TSHZ2: variants seen among roughly 807,000 people sequenced by gnomAD.
TSHZ2 encodes the protein teashirt homolog 2.
A neutral mutation model predicts 74.4 loss-of-function variants in TSHZ2; 21 were observed. That is an observed-to-expected ratio of 0.28 (90% CI 0.20 to 0.41). TSHZ2 has a LOEUF of 0.41. TSHZ2 is among the 10% of genes least tolerant of loss of function. The pLI is 1.00. For missense variants in TSHZ2, 1,244 were observed against 1,293.5 expected (o/e 0.96, Z 0.59); for synonymous variants, 540 against 515.3 (o/e 1.05, Z -0.65).
chr20:53,220,834 A>G (rs1989537663), intron 1 of TSHZ2, among the ~76,000 whole-genome samples: 2 of 152,258 alleles, frequency 1.3e-5, no homozygotes, highest in East Asian at 1.9e-4. Context: ...ACAGCAGGCC[A>G]TGAGAAAACT....
chr20:53,478,147 C>T (rs922207118), intron 2 of TSHZ2, among the ~76,000 whole-genome samples: 3 of 149,820 alleles, frequency 2.0e-5, no homozygotes, highest in Non-Finnish European at 4.4e-5. Context: ...TTTGACCCAG[C>T]CATCCCATTA....
chr20:53,323,301 T>C lies in TSHZ2; in HGVS notation c.*8+66730T>C, dbSNP rs79237786. On this transcript the variant is annotated intron_variant, in intron 2 of 2. Transcript: ENST00000371497. ...CAGACAGTACTCCGGGTGACTCTTA[T>C]AAAATGACCTTCCTTGGTTCACAAG... Among the ~76,000 whole-genome samples, 1,468 of 152,266 alleles carry C rather than the reference T, an allele frequency of 9.6e-3. 20 individuals are homozygous for C. Among genetic ancestry groups the C allele is most frequent in the African/African-American group, 0.034 (1,402 of 41,552 alleles).
chr20:53,320,087 C>G (rs944105452), intron 2 of TSHZ2, among the ~76,000 whole-genome samples: 2 of 152,190 alleles, frequency 1.3e-5, no homozygotes, highest in African/African-American at 4.8e-5. Flanking sequence ...ATCATCACTG[C>G]CAACACTGCC....
Position 53,256,396 on chromosome 20 carries a change from T to G in TSHZ2, c.2938T>G (p.Ser980Ala), listed in dbSNP as rs1469595001. 5.0e-6 allele frequency: 8 copies of G among 1,613,370 alleles called. No homozygotes were observed. The highest frequency in any genetic ancestry group is 1.3e-5 in the African/African-American group (1 of 74,800). Residue 980 changes from serine (S) to alanine (A), a missense_variant, in exon 2 of 3, where the codon TCT becomes GCT. Ser to Ala is a moderately conservative substitution (Grantham distance 99). Around this residue, in one of 6 missense-constraint regions of TSHZ2, gnomAD observed 185 missense variants for 213.3 expected, o/e 0.87. Coordinates refer to ENST00000371497, the MANE Select transcript of TSHZ2 (RefSeq NM_173485.6). The surrounding 1 kb of genome is among the most constrained non-coding windows in gnomAD (Gnocchi z 4.3). ...EISRVSSAQR[S>A]PETIAAEEDT... Reference sequence around the variant, plus strand: ...CTCCCGGGTATCGTCGGCTCAGAGGTCTCCAGAAACAATAGCTGCCGAAGA... The same window carrying G: ...CTCCCGGGTATCGTCGGCTCAGAGGGCTCCAGAAACAATAGCTGCCGAAGA...
chr20:53,279,743 A>G (rs1991017380), intron 2 of TSHZ2, among the ~76,000 whole-genome samples: 1 of 152,164 alleles, frequency 6.6e-6, no homozygotes, highest in African/African-American at 2.4e-5. Flanking sequence ...AAAAATAAAT[A>G]AGGCCATTTA....
chr20:53,076,365 T>C (rs1985363329), intron 1 of TSHZ2, among the ~76,000 whole-genome samples: 1 of 152,240 alleles, frequency 6.6e-6, no homozygotes, highest in Non-Finnish European at 1.5e-5. Context: ...CAAAGTGTGA[T>C]TTAATTCATT....
intron 1 of TSHZ2, among the ~76,000 whole-genome samples, chr20:53,015,922 A>T (rs1983025005): frequency 6.6e-6 from 1 of 152,192 alleles, no homozygotes; most frequent in Non-Finnish European, 1.5e-5. Flanking sequence ...GCATGACAAG[A>T]GGCTGTGCCA....
chr20:53,047,846 C>A (rs1984282032), intron 1 of TSHZ2, among the ~76,000 whole-genome samples: 1 of 152,138 alleles, frequency 6.6e-6, no homozygotes, highest in African/African-American at 2.4e-5. Context: ...GGAGTGCATA[C>A]CCCATGCATG....
intron 2 of TSHZ2, among the ~76,000 whole-genome samples, chr20:53,416,394 G>T (rs970905648): frequency 6.6e-6 from 1 of 152,206 alleles, no homozygotes; most frequent in Non-Finnish European, 1.5e-5. Context: ...TCAGACAGTA[G>T]TCGGGCTCTA....
intron 2 of TSHZ2, among the ~76,000 whole-genome samples, chr20:53,475,807 TA>T (rs1487635046): frequency 7.2e-6 from 1 of 138,298 alleles, no homozygotes; most frequent in Non-Finnish European, 1.5e-5. Flanking sequence ...ATAGACGCAA[TA>T]AAAAATGACA....
chr20:53,235,147 G>C (rs1989913173), intron 1 of TSHZ2, among the ~76,000 whole-genome samples: 2 of 119,464 alleles, frequency 1.7e-5, no homozygotes, highest in Non-Finnish European at 3.5e-5. Context: ...CGGGGGGGGG[G>C]GAATGGGGGA....
Position 53,256,130 on chromosome 20 carries a change from T to A in TSHZ2, c.2672T>A (p.Leu891His), listed in dbSNP as rs1467054903. 7 of 1,614,082 alleles carry A rather than the reference T, an allele frequency of 4.3e-6. No individual in the cohort carries two copies. The highest frequency in any genetic ancestry group is 5.9e-6 in the Non-Finnish European group (7 of 1,179,950). The part of the protein sequence containing the change: ...ERMQISKFTG[L>H]SMTTISHWLA... ...ATGCAAATCTCTAAGTTTACGGGAC[T>A]CTCAATGACCACTATCAGTCACTGG... is the stretch of plus-strand genomic sequence containing the variant. The change falls in exon 2 of 3, where the codon CTC (leucine) becomes CAC (histidine). Residue 891 changes from leucine to histidine, a missense_variant. By Grantham distance (99) the Leu-to-His change is moderately conservative (BLOSUM62 -3). Transcript: ENST00000371497. This position sits in a 1 kb window ranked among gnomAD's most constrained non-coding sequence, Gnocchi z 4.3.
intron 1 of TSHZ2, among the ~76,000 whole-genome samples, chr20:53,127,206 G>A (rs1436096507): frequency 1.3e-5 from 2 of 152,178 alleles, no homozygotes; most frequent in African/African-American, 4.8e-5. Context: ...TGTATTGAGT[G>A]CCCACTAAGT....
At chr20:53,317,477 G>T (rs924425279) in intron 2 of TSHZ2, among the ~76,000 whole-genome samples, 2 of 152,130 alleles carry the variant, frequency 1.3e-5, no homozygotes, top group Non-Finnish European at 2.9e-5. Context: ...AAATAAAGAC[G>T]TTATCTGATG....
intron 1 of TSHZ2, among the ~76,000 whole-genome samples, chr20:53,120,383 A>G (rs1986776806): frequency 6.6e-6 from 1 of 152,236 alleles, no homozygotes; most frequent in Non-Finnish European, 1.5e-5. Flanking sequence ...CATTTTTGTC[A>G]GAGTTTATTG....
intron 1 of TSHZ2, among the ~76,000 whole-genome samples, chr20:53,115,879 T>C (rs1042651041): frequency 2.0e-5 from 3 of 152,140 alleles, no homozygotes; most frequent in African/African-American, 7.2e-5. Context: ...TTAGAAATTA[T>C]GGTTTCATAT....
intron 2 of TSHZ2, among the ~76,000 whole-genome samples, chr20:53,356,896 A>C (rs1439511185): frequency 2.0e-5 from 3 of 152,200 alleles, no homozygotes; most frequent in Non-Finnish European, 4.4e-5. Context: ...AATAAGGATG[A>C]ATGAAAATAA....
chr20:53,436,539 A>ATTTTTTTTTTTTTT lies in TSHZ2; in HGVS notation c.*9-50603_*9-50602insTTTTTTTTTTTTTT, dbSNP rs1368192791. 6.7e-5 allele frequency among the ~76,000 whole-genome samples: 6 copies of ATTTTTTTTTTTTTT among 90,034 alleles called. 1 individual carries two copies. The highest frequency in any genetic ancestry group is 4.0e-4 in the East Asian group (1 of 2,484). 59.1% of individuals were successfully genotyped at this position (90,034 alleles called of 152,430 possible). On this transcript the variant is annotated intron_variant, in intron 2 of 2. Transcript: ENST00000371497. ...ATTTTATTTATTTATTATTATTATT[A>ATTTTTTTTTTTTTT]TTATTATTATTTTTTTTTTTTTTTT...
Position 53,488,902 on chromosome 20 carries a change from C to T in TSHZ2, c.*1767C>T. ...GTTGCCCTTATGCCACATATAATAG[C>T]AAATTGCTTTTTTTATGGCATGCAT... On this transcript the variant is annotated 3_prime_UTR_variant, in exon 3 of 3. Coordinates refer to ENST00000371497, the MANE Select transcript of TSHZ2 (RefSeq NM_173485.6). The T allele has an allele frequency of 2.3e-6, 1 of 438,232 alleles. No homozygotes were observed. The highest frequency in any genetic ancestry group is 4.6e-6 in the Non-Finnish European group (1 of 217,026). The allele number at this position is 438,232 out of a possible 1,614,324, so 27.1% of individuals were successfully genotyped here.
Sources: gnomAD v4.1 joint callset for allele counts (sites outside exome capture counted in the v4.1 genomes callset) on GRCh38, gnomAD v4.1.1 for gene constraint, gnomAD v4.1.1 regional missense constraint, Gnocchi (gnomAD v3.1) non-coding constraint, MANE v1.5 for transcripts, NCBI Gene and HGNC (gene_info 2026-07-23, HGNC 2026-07-21) for gene names.